Variants in ARID1B observed in about 807,000 individuals in gnomAD.
ARID1B encodes AT-rich interactive domain-containing protein 1B.
In ARID1B, 30 loss-of-function variants were observed where a neutral mutation model predicts 212.3. The ratio of observed to expected loss-of-function variants is 0.14; its 90% confidence interval spans 0.11 to 0.19. The LOEUF is 0.19. ARID1B is among the 10% of genes least tolerant of loss of function. The pLI, the probability that ARID1B is intolerant of heterozygous loss-of-function variation, is 1.00. For missense variants in ARID1B, 2,891 were observed against 3,204.0 expected, an observed-to-expected ratio of 0.90 and a Z score of 2.36; for synonymous variants, 1,402 against 1,301.7, an observed-to-expected ratio of 1.08 and a Z score of -1.66.
chr6:156,796,700 A>G (rs895274182), intron 1 of ARID1B, among the ~76,000 whole-genome samples: 1 of 152,224 alleles, frequency 6.6e-6, no homozygotes, highest in Admixed American at 6.5e-5. Context: ...TCTTCCAGGC[A>G]TAGAGAATAG....
intron 5 of ARID1B, among the ~76,000 whole-genome samples, chr6:157,108,722 C>G (rs1450947705): frequency 6.6e-6 from 1 of 152,164 alleles, no homozygotes; most frequent in African/African-American, 2.4e-5. Context: ...TTATTTGGTA[C>G]TAGTACTAAT....
intron 2 of ARID1B, among the ~76,000 whole-genome samples, chr6:156,897,290 T>TCTTC (rs1788555917): frequency 6.7e-6 from 1 of 148,710 alleles, no homozygotes; most frequent in Non-Finnish European, 1.5e-5. Context: ...TTATTATTAT[T>TCTTC]TGAGACAGAG....
intron 7 of ARID1B, chr6:157,140,666 A>G (rs765538558): frequency 1.3e-5 from 5 of 398,522 alleles, no homozygotes; most frequent in Admixed American, 4.4e-5. Context: ...TCACCTGCCC[A>G]GAACCAGATG....
intron 1 of ARID1B, among the ~76,000 whole-genome samples, chr6:156,810,436 C>T (rs1012300125): frequency 2.6e-5 from 4 of 152,158 alleles, no homozygotes; most frequent in Admixed American, 6.5e-5. Context: ...CCTGGAGCTG[C>T]GTTGGATTCC....
intron 7 of ARID1B, among the ~76,000 whole-genome samples, chr6:157,142,195 G>A (rs1789410092): frequency 6.6e-6 from 1 of 152,214 alleles, no homozygotes; most frequent in Non-Finnish European, 1.5e-5. Context: ...GGTTGCCAGG[G>A]GGTGGCATGG....
chr6:156,909,305 T>C (rs1447090047), intron 3 of ARID1B, among the ~76,000 whole-genome samples: 1 of 151,938 alleles, frequency 6.6e-6, no homozygotes, highest in East Asian at 1.9e-4. Context: ...TTTGTATTTT[T>C]AGTAGAAACG....
chr6:157,133,226 C>T lies in ARID1B; in HGVS notation c.2761+19C>T. On this transcript the variant is annotated intron_variant, in intron 7 of 19. Coordinates refer to ENST00000636930, the MANE Select transcript of ARID1B (RefSeq NM_001374828.1). ...CCACAAGGTAAAACCAAAGCTTCTC[C>T]AAAATGCATGGCAGCAAGTTGTAGA... 6.4e-7 allele frequency: 1 copy of T among 1,568,066 alleles called. No homozygotes were observed. The highest frequency in any genetic ancestry group is 1.2e-5 in the South Asian group (1 of 82,958).
chr6:156,809,947 G>A (rs1045267454), intron 1 of ARID1B, among the ~76,000 whole-genome samples: 2 of 152,156 alleles, frequency 1.3e-5, no homozygotes, highest in Admixed American at 1.3e-4. Context: ...TGAACTTGAG[G>A]ATTTAAGCAA....
At chr6:157,057,096 A>C (rs1783013057) in intron 4 of ARID1B, among the ~76,000 whole-genome samples, 1 of 151,502 alleles carries the variant, frequency 6.6e-6, no homozygotes, top group Non-Finnish European at 1.5e-5. Flanking sequence ...TCCTGGGTTC[A>C]CGCCATTCTC....
intron 4 of ARID1B, chr6:157,071,398 C>T (rs1231941572): frequency 6.6e-6 from 1 of 152,162 alleles, no homozygotes; most frequent in Non-Finnish European, 1.5e-5. Context: ...GATACTCTTT[C>T]CTCTCCATTT....
chr6:157,186,186 G>C (rs1264451057), intron 13 of ARID1B: 3 of 283,782 alleles, frequency 1.1e-5, no homozygotes, highest in Non-Finnish European at 2.1e-5. Flanking sequence ...CAGGACGGGG[G>C]CCCTGCTGAG....
Position 157,050,626 on chromosome 6 carries a change from T to C in ARID1B, c.2248-34036T>C, listed in dbSNP as rs145579543. ...TTTTATGATGCAGAAGGTATTTCTT[T>C]ATCATGTAGACACTTAGAGGGCTTC... On this transcript the variant is annotated intron_variant, in intron 4 of 19. Coordinates refer to ENST00000636930, the MANE Select transcript of ARID1B (RefSeq NM_001374828.1). Among the ~76,000 whole-genome samples the C allele has an allele frequency of 3.1e-4, 47 of 152,332 alleles. No individual in the cohort carries two copies. The East Asian group carries it at 9.1e-3, about 29-fold the overall frequency.
At chr6:157,019,164 AATCTGTT>A (rs1372089716) in intron 4 of ARID1B, among the ~76,000 whole-genome samples, 4 of 152,194 alleles carry the variant, frequency 2.6e-5, no homozygotes, top group Non-Finnish European at 5.9e-5. Flanking sequence ...GACATGTTCA[AATCTGTT>A]ATCTGAAGAG....
intron 4 of ARID1B, among the ~76,000 whole-genome samples, chr6:156,965,380 GCT>G (rs1270785369): frequency 2.0e-5 from 3 of 152,164 alleles, no homozygotes; most frequent in Non-Finnish European, 4.4e-5. Context: ...TTCTGAAGCA[GCT>G]CTTTCTTGCT....
At chr6:157,039,670 C>CTTCT (rs1234449798) in intron 4 of ARID1B, among the ~76,000 whole-genome samples, 210 of 55,300 alleles carry the variant, frequency 3.8e-3, no homozygotes, top group African/African-American at 0.023. Context: ...TCCTTCCTTC[C>CTTCT]TTCCTTCCTT....
At chr6:157,047,873 A>G (rs1380546626) in intron 4 of ARID1B, among the ~76,000 whole-genome samples, 2 of 152,216 alleles carry the variant, frequency 1.3e-5, no homozygotes, top group Non-Finnish European at 2.9e-5. Context: ...GGACATGCAC[A>G]TGTAATTAGA....
intron 6 of ARID1B, among the ~76,000 whole-genome samples, chr6:157,127,033 C>T (rs1788180888): frequency 6.6e-6 from 1 of 152,146 alleles, no homozygotes; most frequent in Admixed American, 6.5e-5. Flanking sequence ...AATCTGATTT[C>T]TTGGGAAACA....
At chr6:156,975,061 G>T (rs911663054) in intron 4 of ARID1B, among the ~76,000 whole-genome samples, 2 of 152,136 alleles carry the variant, frequency 1.3e-5, no homozygotes, top group African/African-American at 4.8e-5. Context: ...TCTGCTGGGG[G>T]TGTGTGATTT....
At chr6:157,171,132 C>T (rs146377718) in intron 9 of ARID1B, among the ~76,000 whole-genome samples, 4 of 152,314 alleles carry the variant, frequency 2.6e-5, no homozygotes, top group Non-Finnish European at 4.4e-5. Flanking sequence ...GTGTTCTTTA[C>T]GTTCCTTTTG....
Sources: allele counts gnomAD v4.1 joint callset (sites outside exome capture counted in the v4.1 genomes callset), GRCh38; gene constraint gnomAD v4.1.1; transcripts MANE v1.5; gene names NCBI Gene and HGNC (gene_info 2026-07-23, HGNC 2026-07-21).